The following VCP variants were observed in gnomAD, a reference collection of about 807,000 sequenced individuals.
The protein encoded by VCP is valosin containing protein, also known as transitional endoplasmic reticulum ATPase.
In VCP, 6 loss-of-function variants were observed where a neutral mutation model predicts 85.7. The observed-to-expected ratio is 0.07, with a 90% CI of 0.04 to 0.14. The LOEUF (loss-of-function observed/expected upper bound fraction) is 0.14. VCP is among the 10% of genes least tolerant of loss of function. The probability of loss-of-function intolerance (pLI) is 1.00; values close to 1 mark genes in which losing one functional copy is unlikely to be tolerated. For missense variants in VCP, 353 were observed against 1,043.4 expected, an observed-to-expected ratio of 0.34 and a Z score of 9.12; for synonymous variants, 384 against 367.1, an observed-to-expected ratio of 1.05 and a Z score of -0.53.
rs1828604410 is a variant in VCP, at chr9:35,056,340, C to T, written c.*777G>A. ...AGGTGGAGGGATGCCATATTCTCCA[C>T]ATTTGGAGCTCTGTCAGGCTGCTCC... On this transcript the variant is annotated 3_prime_UTR_variant, in exon 17 of 17. Transcript: ENST00000358901. The T allele has an allele frequency of 6.5e-6, 1 of 152,680 alleles. No homozygotes were observed. The highest frequency in any genetic ancestry group is 2.1e-4 in the South Asian group (1 of 4,830). The allele number at this position is 152,680 out of a possible 1,614,324, so 9.5% of individuals were successfully genotyped here.
chr9:35,057,784 G>C, intron 15 of VCP: 5 of 555,242 alleles, frequency 9.0e-6, no homozygotes, highest in Non-Finnish European at 1.6e-5. Context: ...GTTGACTGAA[G>C]TGGCTAAGGA....
In VCP at chr9:35,065,247, T is replaced by C; in HGVS notation, c.576+4A>G. 1 of 1,614,098 alleles carries C rather than the reference T, an allele frequency of 6.2e-7. No homozygotes were observed. Among genetic ancestry groups the C allele is most frequent in the Non-Finnish European group, 8.5e-7 (1 of 1,180,006 alleles). Reference sequence around the variant, plus strand: ...CGGATACTGGAATCAGGGAGAAAACTCACCTCTCGTTTGATAGGCTCCCCT... The same window carrying C: ...CGGATACTGGAATCAGGGAGAAAACCCACCTCTCGTTTGATAGGCTCCCCT... On this transcript the variant is annotated splice_donor_region_variant and intron_variant, in intron 5 of 16. Transcript: ENST00000358901.
chr9:35,066,656 G>A lies in VCP; in HGVS notation c.445+19C>T, dbSNP rs780540495. The A allele has an allele frequency of 6.2e-7, 1 of 1,613,722 alleles. No individual in the cohort carries two copies. Among genetic ancestry groups the A allele is most frequent in the South Asian group, 1.1e-5 (1 of 91,010 alleles). On this transcript the variant is annotated intron_variant, in intron 4 of 16. Coordinates refer to ENST00000358901, the MANE Select transcript of VCP (RefSeq NM_007126.5). ...ATTCCCTACAGTCAATAATCCTTAA[G>A]CTCAGAATTAGCTCTCACCTTTCCG... is the stretch of plus-strand genomic sequence containing the variant.
intron 1 of VCP, chr9:35,072,024 G>C: frequency 8.5e-7 from 1 of 1,170,306 alleles, no homozygotes; most frequent in Non-Finnish European, 1.1e-6. Context: ...TGGGCCGGAA[G>C]ACCTGGCCAG....
At chr9:35,058,694 G>A (rs925480405) in intron 15 of VCP, among the ~76,000 whole-genome samples, 1 of 152,186 alleles carries the variant, frequency 6.6e-6, no homozygotes, top group African/African-American at 2.4e-5. Flanking sequence ...TTGAACCTGG[G>A]AGGCAGAAGT....
intron 6 of VCP, 85 bp from the exon 7 acceptor site, chr9:35,063,165 A>G (rs1828760965): frequency 3.3e-6 from 4 of 1,220,772 alleles, no homozygotes; most frequent in Non-Finnish European, 4.8e-6. Flanking sequence ...AGAGGGTGAG[A>G]ATCAGGCTTC....
intron 7 of VCP, 93 bp downstream of exon 7, chr9:35,062,885 G>T: frequency 8.9e-7 from 1 of 1,125,396 alleles, no homozygotes; most frequent in Non-Finnish European, 1.4e-6. Flanking sequence ...AGGAGGGCAT[G>T]GGTGCAAAAA....
chr9:35,068,518 T>C (rs1828878098), intron 1 of VCP, among the ~76,000 whole-genome samples, 156 bp from the exon 2 acceptor site: 1 of 152,184 alleles, frequency 6.6e-6, no homozygotes, highest in African/African-American at 2.4e-5. Context: ...CGAGGAGCAG[T>C]ATCTACCATA....
intron 7 of VCP, 130 bp from the exon 8 acceptor site, chr9:35,062,480 C>T: frequency 7.2e-7 from 1 of 1,388,880 alleles, no homozygotes. Flanking sequence ...CTGCCTACTT[C>T]TCACATCCTC....
At position 35,062,067 on chromosome 9, in the gene VCP, T is replaced by C. The variant is rs565534943; in HGVS notation, c.1017A>G (p.Ala339=). The change falls in exon 9 of 17, where the codon GCA becomes GCG. Residue 339 remains alanine, a synonymous_variant. Transcript: ENST00000358901. ...TGGTTGCTGCCATAACAATCACATG[T>C]GCCCTCTGCTTTAGGCCATCCATGA... is the stretch of plus-strand genomic sequence containing the variant. ...LTLMDGLKQR[A]HVIVMAATNR... is the part of the protein sequence containing the mutation. The C allele has an allele frequency of 1.9e-6, 3 of 1,614,062 alleles. No individual in the cohort carries two copies. The Admixed American group carries it at 5.0e-5, about 27-fold the overall frequency.
chr9:35,064,433 C>A (rs1828788563), intron 5 of VCP, 148 bp from the exon 6 acceptor site: 1 of 1,092,270 alleles, frequency 9.2e-7, no homozygotes, highest in East Asian at 2.6e-5. Context: ...CATCTGTAAT[C>A]CCAGCACTTT....
At chr9:35,066,873 G>A (rs1587129031) in intron 3 of VCP, 56 bp from the exon 4 acceptor site, 2 of 1,612,912 alleles carry the variant, frequency 1.2e-6, no homozygotes, top group East Asian at 2.2e-5. Flanking sequence ...CCAAGCACTG[G>A]GTGTCCAAAA....
rs1180007490 is a variant in VCP at position 35,060,848 on chromosome 9, T to C, written c.1435A>G (p.Ile479Val). Residue 479 changes from isoleucine to valine, a missense_variant, in exon 12 of 17, where the codon ATC becomes GTC. Transcript: ENST00000358901. ...VEVPQVTWED[I>V]GGLEDVKREL... The stretch of plus-strand genomic sequence containing the variant: ...CGTTTGACATCCTCTAGGCCCCCGA[T>C]GTCTTCCCAGGTTACCTGTGGCACC... 12 of 1,614,052 alleles carry C rather than the reference T, an allele frequency of 7.4e-6. No individual in the cohort carries two copies. Among genetic ancestry groups the C allele is most frequent in the African/African-American group, 1.3e-5 (1 of 74,908 alleles).
Position 35,057,022 on chromosome 9 carries a change from T to G in VCP, c.*95A>C. The G allele has an allele frequency of 8.2e-7, 1 of 1,218,400 alleles. No homozygotes were observed. 75.5% of individuals were successfully genotyped at this position (1,218,400 alleles called of 1,614,324 possible). A position where few individuals can be genotyped will look rare whatever the true frequency, so the allele number is the denominator to read the frequency against. Reference sequence around the variant, plus strand: ...TCAGACTGGAGAATGGAGCAGGCTGTGGGCGCACCCCTGGTCCCTCTCCTG... The same window carrying G: ...TCAGACTGGAGAATGGAGCAGGCTGGGGGCGCACCCCTGGTCCCTCTCCTG... On this transcript the variant is annotated 3_prime_UTR_variant, in exon 17 of 17. Coordinates refer to ENST00000358901, the MANE Select transcript of VCP (RefSeq NM_007126.5).
intron 8 of VCP, 31 bp downstream of exon 8, chr9:35,062,186 C>A: frequency 6.2e-7 from 1 of 1,614,132 alleles, no homozygotes; most frequent in Non-Finnish European, 8.5e-7. Context: ...GGCCTTTCAA[C>A]CCCCCTCTAT....
intron 1 of VCP, 108 bp downstream of exon 1, chr9:35,072,229 G>C: frequency 6.9e-7 from 1 of 1,457,628 alleles, no homozygotes; most frequent in South Asian, 1.3e-5. Flanking sequence ...CCTCTTTCCT[G>C]GTCTCCACCT....
Position 35,059,619 on chromosome 9 carries a change from A to G in VCP, c.1878T>C (p.Pro626=). 1.2e-6 allele frequency: 2 copies of G among 1,614,174 alleles called. No homozygotes were observed. The highest frequency in any genetic ancestry group is 1.7e-6 in the Non-Finnish European group (2 of 1,180,028). The change falls in exon 14 of 17, where the codon CCT becomes CCC. Residue 626 remains proline, a synonymous_variant. Coordinates refer to ENST00000358901, the MANE Select transcript of VCP (RefSeq NM_007126.5). This position sits in a 1 kb window ranked among gnomAD's most constrained non-coding sequence, Gnocchi z 4.9. Reference sequence around the variant, plus strand: ...TGAGGATGGCAGGATCAATGATGTCAGGCCGGTTGGTAGCGCCAATGATGA... The same window carrying G: ...TGAGGATGGCAGGATCAATGATGTCGGGCCGGTTGGTAGCGCCAATGATGA... The part of the protein sequence containing the change: ...NVFIIGATNR[P]DIIDPAILRP...
chr9:35,062,415 A>C, intron 7 of VCP, 65 bp from the exon 8 acceptor site: 1 of 1,611,896 alleles, frequency 6.2e-7, no homozygotes. Flanking sequence ...CCCAAAAATC[A>C]GTTATCTTGC....
chr9:35,062,452 G>A, intron 7 of VCP, 102 bp from the exon 8 acceptor site: 1 of 1,573,850 alleles, frequency 6.4e-7, no homozygotes, highest in East Asian at 2.3e-5. Context: ...CAGGTCCTGG[G>A]TGAGAAGGTG....
Sources: gnomAD v4.1 joint callset for allele counts (sites outside exome capture counted in the v4.1 genomes callset) on GRCh38, gnomAD v4.1.1 for gene constraint, Gnocchi (gnomAD v3.1) non-coding constraint, MANE v1.5 for transcripts, NCBI Gene and HGNC (gene_info 2026-07-23, HGNC 2026-07-21) for gene names.